DMD: variants seen among roughly 807,000 people sequenced by gnomAD.
DMD encodes the protein mutant dystrophin.
In DMD, 63 loss-of-function variants were observed where a neutral mutation model predicts 330.1. The ratio of observed to expected loss-of-function variants is 0.19; its 90% CI spans 0.16 to 0.24. DMD has a LOEUF of 0.24. Ranked by LOEUF, DMD falls within the 10% of genes least tolerant of loss-of-function variation. DMD has a pLI of 1.00. For synonymous variants in DMD, 1,223 were observed against 959.8 expected (o/e 1.27, Z -5.07); for missense variants, 3,344 against 2,684.1 (o/e 1.25, Z -5.43).
At chrX:32,167,113 A>G (rs1158776695) in intron 44 of DMD, among the ~76,000 whole-genome samples, 1 of 111,829 alleles carries the variant, frequency 8.9e-6, no homozygotes, top group African/African-American at 3.3e-5. Context: ...GCATTCAGTC[A>G]TACTCTATTC....
At chrX:32,959,050 TA>T (rs1320498717) in intron 2 of DMD, among the ~76,000 whole-genome samples, 1 of 112,064 alleles carries the variant, frequency 8.9e-6, no homozygotes, top group Non-Finnish European at 1.9e-5. Context: ...TTATTACAAA[TA>T]TGTTCATTTT....
chrX:32,449,381 G>A (rs770612267), intron 26 of DMD, among the ~76,000 whole-genome samples: 10 of 109,468 alleles, frequency 9.1e-5, no homozygotes, highest in Non-Finnish European at 1.3e-4. Flanking sequence ...ACCACAAAAC[G>A]CCCAACACTC....
intron 1 of DMD, among the ~76,000 whole-genome samples, chrX:33,323,668 G>A (rs1481013469): frequency 9.0e-6 from 1 of 111,035 alleles, no homozygotes; most frequent in African/African-American, 3.3e-5. Flanking sequence ...TCTACAGTTG[G>A]CAAATATATG....
chrX:32,485,152 A>T (rs1290591361), intron 20 of DMD, 53 bp from the exon 21 acceptor site: 4 of 1,140,658 alleles, frequency 3.5e-6, no homozygotes, highest in Non-Finnish European at 4.8e-6. Flanking sequence ...CATACATTAC[A>T]TTTTGCAAAA....
chrX:31,732,623 G>C (rs913047559), intron 51 of DMD, among the ~76,000 whole-genome samples: 2 of 109,632 alleles, frequency 1.8e-5, no homozygotes, highest in Non-Finnish European at 3.8e-5. Context: ...CTATTCCTTC[G>C]AGCCACCCAC....
chrX:33,289,828 A>G (rs757180219), intron 1 of DMD, among the ~76,000 whole-genome samples: 1 of 111,953 alleles, frequency 8.9e-6, no homozygotes, highest in African/African-American at 3.2e-5. Flanking sequence ...CATTTCAAGA[A>G]TGATTTCCTG....
chrX:32,234,674 CATCA>C (rs1436505326), intron 43 of DMD, among the ~76,000 whole-genome samples: 32 of 112,226 alleles, frequency 2.9e-4, no homozygotes, highest in African/African-American at 9.7e-4. Flanking sequence ...CCGATCCATC[CATCA>C]ATCAATCATA....
intron 44 of DMD, among the ~76,000 whole-genome samples, chrX:32,067,334 C>G (rs192937685): frequency 1.8e-5 from 2 of 110,700 alleles, no homozygotes; most frequent in Non-Finnish European, 3.8e-5. Context: ...TTAGTGACCA[C>G]GAATATTTAT....
At chrX:32,321,752 C>T (rs752787328) in intron 41 of DMD, among the ~76,000 whole-genome samples, 3 of 111,780 alleles carry the variant, frequency 2.7e-5, no homozygotes, top group South Asian at 7.5e-4. Flanking sequence ...ACTGCATTTG[C>T]GCCAAGACAT....
At chrX:33,059,282 G>A (rs1465157072) in intron 1 of DMD, among the ~76,000 whole-genome samples, 2 of 110,859 alleles carry the variant, frequency 1.8e-5, no homozygotes, top group African/African-American at 3.3e-5. Context: ...ACTATGTCTC[G>A]TCTAATATTC....
At chrX:32,676,430 T>G (rs146113919) in intron 9 of DMD, among the ~76,000 whole-genome samples, 1 of 111,409 alleles carries the variant, frequency 9.0e-6, no homozygotes, top group African/African-American at 3.2e-5. Context: ...AAGTAGTATT[T>G]TGCCTGGCTT....
At chrX:32,660,413 A>C (rs1048888358) in intron 9 of DMD, among the ~76,000 whole-genome samples, 67 of 111,540 alleles carry the variant, frequency 6.0e-4, no homozygotes, top group African/African-American at 2.1e-3. Context: ...AGGTGAACAT[A>C]GAAAGTAAAC....
At chrX:33,096,766 A>G (rs113347292) in intron 1 of DMD, among the ~76,000 whole-genome samples, 2,759 of 112,406 alleles carry the variant, frequency 0.025, 78 homozygotes, top group African/African-American at 0.084. Flanking sequence ...TCAGCCTCCC[A>G]AAGTGCTGGG....
chrX:32,535,153 T>A (rs1320618466), intron 17 of DMD, among the ~76,000 whole-genome samples: 1 of 111,405 alleles, frequency 9.0e-6, no homozygotes, highest in Admixed American at 9.5e-5. Flanking sequence ...CCATATACAT[T>A]CCATTTCAGG....
intron 9 of DMD, among the ~76,000 whole-genome samples, chrX:32,696,810 G>A (rs753140565): frequency 8.6e-4 from 96 of 111,350 alleles, no homozygotes; most frequent in Middle Eastern, 9.3e-3. Flanking sequence ...CTAGAGAGTC[G>A]ATGGAGAGTC....
chrX:32,229,995 T>A (rs751083477), intron 43 of DMD, among the ~76,000 whole-genome samples: 1 of 109,240 alleles, frequency 9.2e-6, no homozygotes, highest in Non-Finnish European at 1.9e-5. Context: ...TTTGTCCTGC[T>A]TTAAAGAATT....
chrX:31,265,667 C>G (rs1043231572), intron 62 of DMD, among the ~76,000 whole-genome samples: 2 of 108,605 alleles, frequency 1.8e-5, no homozygotes, highest in Non-Finnish European at 3.8e-5. Flanking sequence ...TTCATATAAC[C>G]GTGTTGCTTC....
chrX:31,726,342 T>C (rs771306728), intron 52 of DMD, among the ~76,000 whole-genome samples: 1 of 112,330 alleles, frequency 8.9e-6, no homozygotes, highest in South Asian at 3.7e-4. Flanking sequence ...TAACTATGTA[T>C]AGATTTTCCC....
intron 62 of DMD, among the ~76,000 whole-genome samples, chrX:31,272,360 C>T (rs1226325513): frequency 8.9e-6 from 1 of 112,156 alleles, no homozygotes; most frequent in Non-Finnish European, 1.9e-5. Context: ...ATATGACCCA[C>T]ACCACCTCCT....
Sources: gnomAD v4.1 joint callset for allele counts (sites outside exome capture counted in the v4.1 genomes callset) on GRCh38, gnomAD v4.1.1 for gene constraint, MANE v1.5 for transcripts, NCBI Gene and HGNC (gene_info 2026-07-23, HGNC 2026-07-21) for gene names.